The following SAMD14 variants were observed in gnomAD, a reference collection of about 807,000 sequenced individuals.
SAMD14 encodes the protein sterile alpha motif domain-containing protein 14.
In SAMD14, 27 loss-of-function variants were observed where a neutral mutation model predicts 46.2. The observed-to-expected ratio is 0.58, with a 90% CI of 0.43 to 0.81. SAMD14 has a LOEUF of 0.81. Ranked by LOEUF, SAMD14 falls within the 30% of genes least tolerant of loss-of-function variation. The pLI is 0.00. For synonymous variants in SAMD14, 241 were observed against 254.3 expected (o/e 0.95, Z 0.50); for missense variants, 559 against 582.2 (o/e 0.96, Z 0.41).
intron 4 of SAMD14, 69 bp from the exon 5 acceptor site, chr17:50,116,159 G>C: frequency 6.5e-7 from 1 of 1,538,716 alleles, no homozygotes; most frequent in Middle Eastern, 1.7e-4. Flanking sequence ...CTGCCAGTGT[G>C]GGGTGGTAGA....
chr17:50,123,230 C>G (rs761274440), intron 2 of SAMD14, among the ~76,000 whole-genome samples: 1 of 152,240 alleles, frequency 6.6e-6, no homozygotes, highest in Non-Finnish European at 1.5e-5. Context: ...GGGTTACAGA[C>G]AGACGGTCTA....
At chr17:50,119,653 C>G (rs1426614337) in intron 2 of SAMD14, among the ~76,000 whole-genome samples, 1 of 152,164 alleles carries the variant, frequency 6.6e-6, no homozygotes, top group Non-Finnish European at 1.5e-5. Context: ...GATCATGTAA[C>G]CTCAAACCAG....
Position 50,115,434 on chromosome 17 carries a change from C to T in SAMD14, c.822+130G>A. ...AGAGAATGCATGAAGTAACGGATCA[C>T]TGCATGGCTCCATGGATGGACAAAT... On this transcript the variant is annotated intron_variant, in intron 7 of 9. Transcript: ENST00000330175. This position sits in a 1 kb window ranked among gnomAD's most constrained non-coding sequence, Gnocchi z 5.3. 1 of 951,290 alleles carries T rather than the reference C, an allele frequency of 1.1e-6. No individual in the cohort carries two copies. The highest frequency in any genetic ancestry group is 1.5e-6 in the Non-Finnish European group (1 of 650,180). 58.9% of individuals were successfully genotyped at this position (951,290 alleles called of 1,614,324 possible).
intron 2 of SAMD14, 113 bp downstream of exon 2, chr17:50,124,795 ACACACACAC>A: frequency 1.1e-6 from 1 of 905,836 alleles, no homozygotes; most frequent in Non-Finnish European, 1.8e-6. Context: ...ACACACACAC[ACACACACAC>A]ACACTCTGAA....
chr17:50,116,077 G>A lies in SAMD14; in HGVS notation c.513C>T (p.Asp171=), dbSNP rs201190847. 5.6e-6 allele frequency: 9 copies of A among 1,613,584 alleles called. No homozygotes were observed. The highest frequency in any genetic ancestry group is 3.3e-5 in the Admixed American group (2 of 60,000). The change falls in exon 5 of 10, where the codon GAC becomes GAT. Residue 171 remains aspartate, a synonymous_variant. Transcript: ENST00000330175. ...AEPHSEDDSR[D]ASPPEPASPT... ...GGCTGGCGGGCTCAGGAGGACTGGC[G>A]TCACGGCTGTCATCTTTCCAGGGAG...
rs758568766 is a variant in SAMD14, at chr17:50,114,332, TGAG to T, written c.823-29_823-27del. The T allele has an allele frequency of 2.5e-6, 4 of 1,614,010 alleles. No individual in the cohort carries two copies. In the South Asian group the frequency reaches 4.4e-5, roughly 18 times the overall value. On this transcript the variant is annotated intron_variant, in intron 7 of 9. Coordinates refer to ENST00000330175, the MANE Select transcript of SAMD14 (RefSeq NM_001257359.2). ...CTAGACAGAAAAAGGTGCATGCCAC[TGAG>T]GAGAGTTCACCCCCAACCCACCATC...
At chr17:50,128,669 C>G (rs1234473225) in intron 1 of SAMD14, among the ~76,000 whole-genome samples, 1 of 151,996 alleles carries the variant, frequency 6.6e-6, no homozygotes, top group Non-Finnish European at 1.5e-5. Flanking sequence ...CCTCTTGGGA[C>G]CCAGGAGAAG....
chr17:50,125,928 T>G (rs1002382998), intron 1 of SAMD14, among the ~76,000 whole-genome samples: 2 of 151,968 alleles, frequency 1.3e-5, no homozygotes, highest in African/African-American at 4.8e-5. Context: ...TGGTTCAAGG[T>G]TTTTTGGTGG....
In SAMD14 at chr17:50,112,827, G is replaced by A. The variant is rs146025976; in HGVS notation, c.*66C>T. 9.1e-3 allele frequency: 14,058 copies of A among 1,540,174 alleles called. 72 individuals are homozygous for A. The highest frequency in any genetic ancestry group is 0.011 in the Non-Finnish European group (12,769 of 1,145,436). ...TGCAGCGCCCAGGTCCAGCCTCCCT[G>A]GTGAGGCCTGTGCCCGCGGAGCCAG... On this transcript the variant is annotated 3_prime_UTR_variant, in exon 10 of 10. Transcript: ENST00000330175.
chr17:50,121,726 G>C (rs1036281902), intron 2 of SAMD14, among the ~76,000 whole-genome samples: 1 of 152,172 alleles, frequency 6.6e-6, no homozygotes, highest in Admixed American at 6.5e-5. Context: ...CTCTATTCAA[G>C]GCCTGAGGGG....
At position 50,117,646 on chromosome 17, in the gene SAMD14, T is replaced by A; in HGVS notation, c.260A>T (p.His87Leu). 1 of 1,552,198 alleles carries A rather than the reference T, an allele frequency of 6.4e-7. No individual in the cohort carries two copies. Among genetic ancestry groups the A allele is most frequent in the Non-Finnish European group, 8.6e-7 (1 of 1,159,602 alleles). The change falls in exon 4 of 10, where the codon CAC becomes CTC. Residue 87 changes from histidine (H) to leucine (L), a missense_variant. Coordinates refer to ENST00000330175, the MANE Select transcript of SAMD14 (RefSeq NM_001257359.2). ...SPLHRLRSPL[H>L]SGPGSPAGGS... ...CCCGGCCGGGGACCCCGGGCCTGAG[T>A]GCAAAGGCGAGCGCAGCCGGTGCAG...
rs931834620 is a variant in SAMD14, at chr17:50,112,415, G to A, written c.*478C>T. ...AGCTCTCCCACCACACAGCCCCCTG[G>A]AAGAGTGGAGAGGAGCCGCTCCCAC... On this transcript the variant is annotated 3_prime_UTR_variant, in exon 10 of 10. Coordinates refer to ENST00000330175, the MANE Select transcript of SAMD14 (RefSeq NM_001257359.2). 3.3e-5 allele frequency: 5 copies of A among 153,660 alleles called. No individual in the cohort carries two copies. Among genetic ancestry groups the A allele is most frequent in the African/African-American group, 1.2e-4 (5 of 41,454 alleles). 9.5% of individuals were successfully genotyped at this position (153,660 alleles called of 1,614,324 possible). A position where few individuals can be genotyped will look rare whatever the true frequency, so the allele number is the denominator to read the frequency against.
intron 1 of SAMD14, among the ~76,000 whole-genome samples, chr17:50,127,175 A>G (rs1029049492): frequency 6.6e-6 from 1 of 152,158 alleles, no homozygotes; most frequent in South Asian, 2.1e-4. Context: ...AAAGAGGCAG[A>G]ACTCAGCCTT....
At position 50,118,150 on chromosome 17, in the gene SAMD14, C is replaced by G. The variant is rs745395759; in HGVS notation, c.210+11G>C. 6.3e-7 allele frequency: 1 copy of G among 1,576,320 alleles called. No homozygotes were observed. The highest frequency in any genetic ancestry group is 8.6e-7 in the Non-Finnish European group (1 of 1,158,102). On this transcript the variant is annotated intron_variant, in intron 3 of 9. Transcript: ENST00000330175. ...GGAGGGTGTATATGTGTTTTCCTAA[C>G]TTGCCCCAACCTTGCCTCCGGGCCC...
chr17:50,124,755 G>GAGTGCA (rs1911665554), intron 2 of SAMD14, among the ~76,000 whole-genome samples, 162 bp downstream of exon 2: 1 of 102,462 alleles, frequency 9.8e-6, no homozygotes, highest in African/African-American at 4.2e-5. Flanking sequence ...ATACCTGCAC[G>GAGTGCA]CGTGCACGCG....
At position 50,117,576 on chromosome 17, in the gene SAMD14, G is replaced by C. The variant is rs554876316; in HGVS notation, c.330C>G (p.Asp110Glu). Reference protein sequence around the residue: ...LDPPGLRRSLDEDEPPPSPLT... With the variant: ...LDPPGLRRSLEEDEPPPSPLT... ...GCGGCGAGGGCGGCGGCTCGTCCTC[G>C]TCCAGGCTGCGCCGCAACCCCGGAG... The change falls in exon 4 of 10, where the codon GAC becomes GAG. Residue 110 changes from aspartate to glutamate, a missense_variant. Physicochemically the swap from Asp to Glu is conservative, Grantham distance 45. Transcript: ENST00000330175. 15 of 1,551,280 alleles carry C rather than the reference G, an allele frequency of 9.7e-6. No homozygotes were observed. Among genetic ancestry groups the C allele is most frequent in the East Asian group, 2.5e-5 (1 of 39,844 alleles).
At chr17:50,128,720 G>C (rs989486905) in intron 1 of SAMD14, among the ~76,000 whole-genome samples, 1 of 152,134 alleles carries the variant, frequency 6.6e-6, no homozygotes, top group African/African-American at 2.4e-5. Flanking sequence ...GGGAGGGAGC[G>C]GGAGCGGGAG....
intron 1 of SAMD14, among the ~76,000 whole-genome samples, chr17:50,127,192 G>C (rs954709324): frequency 3.3e-5 from 5 of 152,186 alleles, no homozygotes; most frequent in African/African-American, 9.7e-5. Context: ...CCTTGAGCCA[G>C]GGCTCCTGCC....
intron 1 of SAMD14, among the ~76,000 whole-genome samples, chr17:50,128,041 G>A (rs1911858138): frequency 6.6e-6 from 1 of 152,172 alleles, no homozygotes; most frequent in African/African-American, 2.4e-5. Flanking sequence ...GAGAAGAAAG[G>A]GTCCACGTAT....
Sources: allele counts gnomAD v4.1 joint callset (sites outside exome capture counted in the v4.1 genomes callset), GRCh38; gene constraint gnomAD v4.1.1; non-coding constraint Gnocchi (gnomAD v3.1); transcripts MANE v1.5; gene names NCBI Gene and HGNC (gene_info 2026-07-23, HGNC 2026-07-21).